SPECC1: variants seen among roughly 807,000 people sequenced by gnomAD.
The protein encoded by SPECC1 is sperm antigen with calponin homology and coiled-coil domains 1.
SPECC1 carries 62 observed loss-of-function variants against 104.1 expected under a neutral mutation model. The ratio of observed to expected loss-of-function variants is 0.60; its 90% CI spans 0.49 to 0.74. The LOEUF (loss-of-function observed/expected upper bound fraction) is 0.74. Among genes scored for constraint, SPECC1 ranks in the 30% least tolerant of loss-of-function variants. The pLI, the probability that SPECC1 is intolerant of heterozygous loss-of-function variation, is 0.00. For synonymous variants in SPECC1, 513 were observed against 501.6 expected (o/e 1.02, Z -0.30); for missense variants, 1,306 against 1,310.5 (o/e 1.00, Z 0.05).
intron 1 of SPECC1, among the ~76,000 whole-genome samples, chr17:20,049,283 T>C (rs2045653977): frequency 6.6e-6 from 1 of 152,174 alleles, no homozygotes; most frequent in African/African-American, 2.4e-5. Context: ...TTTGAAAGTT[T>C]TATTTTGCAT....
At position 20,240,060 on chromosome 17, in the gene SPECC1, A is replaced by ATTTTT. The variant is rs748689632; in HGVS notation, c.2352-5838_2352-5834dup. ...AGGGGCACACCACCATGTCCAGCTA[A>ATTTTT]TTTTTTTTTTTTTTTTTTTTTTTTT... On this transcript the variant is annotated intron_variant, in intron 7 of 14. Coordinates refer to ENST00000395527, the MANE Select transcript of SPECC1 (RefSeq NM_001243439.2). Among the ~76,000 whole-genome samples, 78 of 32,198 alleles carry ATTTTT rather than the reference A, an allele frequency of 2.4e-3. 10 individuals carry two copies. The highest frequency in any genetic ancestry group is 0.014 in the East Asian group (8 of 562). 21.1% of individuals were successfully genotyped at this position (32,198 alleles called of 152,430 possible).
chr17:20,070,624 T>C (rs906733570), intron 1 of SPECC1, among the ~76,000 whole-genome samples: 1 of 152,182 alleles, frequency 6.6e-6, no homozygotes, highest in Non-Finnish European at 1.5e-5. Context: ...ATCTAACCAA[T>C]TAGACTTTAA....
chr17:20,281,919 C>T (rs184078843), intron 12 of SPECC1, among the ~76,000 whole-genome samples: 62 of 152,350 alleles, frequency 4.1e-4, no homozygotes, highest in Admixed American at 1.0e-3. Context: ...CAGAGAAGAC[C>T]TGTTCTCAGG....
intron 12 of SPECC1, among the ~76,000 whole-genome samples, chr17:20,289,220 T>C (rs1382647908): frequency 6.6e-6 from 1 of 152,178 alleles, no homozygotes; most frequent in African/African-American, 2.4e-5. Context: ...CTGGCCCCCA[T>C]GATTCAGTTA....
intron 3 of SPECC1, among the ~76,000 whole-genome samples, chr17:20,127,583 T>C (rs1179491444): frequency 6.6e-6 from 1 of 152,038 alleles, no homozygotes; most frequent in African/African-American, 2.4e-5. Context: ...GATGGGATTA[T>C]AGGCGTAAGC....
intron 9 of SPECC1, among the ~76,000 whole-genome samples, chr17:20,247,543 C>T (rs997753658): frequency 1.3e-5 from 2 of 152,142 alleles, no homozygotes; most frequent in East Asian, 1.9e-4. Flanking sequence ...GCTGTTTTAT[C>T]TCTTGTCTGT....
intron 10 of SPECC1, among the ~76,000 whole-genome samples, chr17:20,256,996 T>A (rs1360122640): frequency 6.6e-6 from 1 of 152,264 alleles, no homozygotes; most frequent in African/African-American, 2.4e-5. Flanking sequence ...ATGGCTAGAA[T>A]GGCCTTTTCT....
intron 1 of SPECC1, among the ~76,000 whole-genome samples, chr17:20,035,747 T>G (rs1270252193): frequency 6.6e-6 from 1 of 152,250 alleles, no homozygotes; most frequent in African/African-American, 2.4e-5. Context: ...TCCAGCTCAA[T>G]TGATTTTTGT....
chr17:20,041,709 C>T (rs2045338675), intron 1 of SPECC1, among the ~76,000 whole-genome samples: 3 of 146,966 alleles, frequency 2.0e-5, no homozygotes, highest in African/African-American at 5.0e-5. Context: ...CTCACTGCTC[C>T]TCTTCCCAGG....
chr17:20,043,113 C>T (rs997577659), intron 1 of SPECC1, among the ~76,000 whole-genome samples: 5 of 152,138 alleles, frequency 3.3e-5, no homozygotes, highest in African/African-American at 9.7e-5. Flanking sequence ...TCTGGTGGAG[C>T]GTCTCATGGT....
At chr17:20,039,140 C>T (rs573528371) in intron 1 of SPECC1, among the ~76,000 whole-genome samples, 59 of 152,312 alleles carry the variant, frequency 3.9e-4, no homozygotes, top group African/African-American at 1.0e-3. Flanking sequence ...TCCAAGCCTT[C>T]GGCAATCACT....
At chr17:20,139,956 G>T (rs1168933155) in intron 3 of SPECC1, among the ~76,000 whole-genome samples, 1 of 152,120 alleles carries the variant, frequency 6.6e-6, no homozygotes, top group African/African-American at 2.4e-5. Context: ...TTACAGGTGT[G>T]AGCCACCGCA....
At chr17:20,173,375 A>T (rs1291784051) in intron 3 of SPECC1, among the ~76,000 whole-genome samples, 2 of 152,222 alleles carry the variant, frequency 1.3e-5, no homozygotes, top group African/African-American at 2.4e-5. Flanking sequence ...TATCTGTGAG[A>T]CAGCTGTGGT....
intron 3 of SPECC1, among the ~76,000 whole-genome samples, chr17:20,188,040 A>G (rs1008900578): frequency 3.3e-5 from 5 of 152,200 alleles, no homozygotes; most frequent in Non-Finnish European, 7.4e-5. Flanking sequence ...TTGTCCAACT[A>G]TTTGAGCTGC....
intron 4 of SPECC1, 41 bp downstream of exon 4, chr17:20,205,953 G>T: frequency 6.4e-7 from 1 of 1,563,448 alleles, no homozygotes. Context: ...GCTCATCCTT[G>T]TTCACATTTC....
chr17:20,019,644 T>A (rs1349901721), intron 1 of SPECC1, among the ~76,000 whole-genome samples: 1 of 152,222 alleles, frequency 6.6e-6, no homozygotes, highest in Non-Finnish European at 1.5e-5. Flanking sequence ...GATTGGGTTC[T>A]GTGCTGATAG....
At chr17:20,091,075 T>C (rs1056835316) in intron 1 of SPECC1, among the ~76,000 whole-genome samples, 3 of 152,222 alleles carry the variant, frequency 2.0e-5, no homozygotes, top group Non-Finnish European at 4.4e-5. Context: ...CATTTAGTTT[T>C]TGTTTTTATC....
intron 3 of SPECC1, chr17:20,156,212 G>A (rs1269522016): frequency 7.0e-7 from 1 of 1,425,846 alleles, no homozygotes; most frequent in Admixed American, 3.1e-5. Context: ...CAACCACTCA[G>A]GACGGCCCGA....
chr17:20,026,784 CT>C (rs2152437801), intron 1 of SPECC1, among the ~76,000 whole-genome samples: 1 of 152,236 alleles, frequency 6.6e-6, no homozygotes, highest in African/African-American at 2.4e-5. Context: ...GACTTCTTTC[CT>C]TTGGATAAAT....
Sources: allele counts gnomAD v4.1 joint callset (sites outside exome capture counted in the v4.1 genomes callset), GRCh38; gene constraint gnomAD v4.1.1; transcripts MANE v1.5; gene names NCBI Gene and HGNC (gene_info 2026-07-23, HGNC 2026-07-21).